UNC5D: variants seen among roughly 807,000 people sequenced by gnomAD.
UNC5D encodes netrin receptor UNC5D.
A neutral mutation model predicts 105.4 loss-of-function variants in UNC5D; 39 were observed. The observed-to-expected ratio is 0.37, with a 90% CI of 0.29 to 0.48. The LOEUF (loss-of-function observed/expected upper bound fraction) is 0.48. Ranked by LOEUF, UNC5D falls within the 20% of genes least tolerant of loss-of-function variation. The probability of loss-of-function intolerance (pLI) is 0.98; values close to 1 mark genes in which losing one functional copy is unlikely to be tolerated. For synonymous variants in UNC5D, 452 were observed against 450.4 expected (o/e 1.00, Z -0.04); for missense variants, 991 against 1,202.4 (o/e 0.82, Z 2.60).
chr8:35,381,127 T>C (rs1409817175), intron 1 of UNC5D, among the ~76,000 whole-genome samples: 2 of 152,102 alleles, frequency 1.3e-5, no homozygotes, highest in Non-Finnish European at 2.9e-5. Context: ...TAGTTAAATA[T>C]ATAAGGCAGT....
chr8:35,595,122 T>C (rs1163176808), intron 3 of UNC5D, among the ~76,000 whole-genome samples: 1 of 152,230 alleles, frequency 6.6e-6, no homozygotes, highest in Non-Finnish European at 1.5e-5. Context: ...GTTAAGGGAA[T>C]GGCAGAGGTT....
chr8:35,516,055 T>C (rs565091221), intron 1 of UNC5D, among the ~76,000 whole-genome samples: 1 of 152,322 alleles, frequency 6.6e-6, no homozygotes, highest in East Asian at 1.9e-4. Context: ...TCCTATGCTT[T>C]TTTTTATGTC....
Position 35,684,756 on chromosome 8 carries a change from T to C in UNC5D, c.919+7T>C. On this transcript the variant is annotated splice_region_variant and intron_variant, in intron 6 of 16. Transcript: ENST00000404895. Reference sequence around the variant, plus strand: ...TGCACTTCTCTTTGTCCTGGTGAGATATATGCAGATTCCCTTTTCCCTTCT... The same window carrying C: ...TGCACTTCTCTTTGTCCTGGTGAGACATATGCAGATTCCCTTTTCCCTTCT... 1 of 1,604,898 alleles carries C rather than the reference T, an allele frequency of 6.2e-7. No homozygotes were observed. The highest frequency in any genetic ancestry group is 1.1e-5 in the South Asian group (1 of 89,358).
intron 4 of UNC5D, among the ~76,000 whole-genome samples, chr8:35,615,045 C>CT (rs1260813193): frequency 7.9e-6 from 1 of 127,166 alleles, no homozygotes; most frequent in Admixed American, 7.8e-5. Context: ...GGCCCCCCCC[C>CT]CCCCGTCCCC....
At chr8:35,684,418 A>T (rs982772655) in intron 5 of UNC5D, among the ~76,000 whole-genome samples, 164 bp from the exon 6 acceptor site, 38 of 151,542 alleles carry the variant, frequency 2.5e-4, no homozygotes, top group African/African-American at 9.2e-4. Context: ...GGATGAGATG[A>T]CTCCCCCACT....
At chr8:35,499,632 G>A (rs889060772) in intron 1 of UNC5D, among the ~76,000 whole-genome samples, 7 of 152,082 alleles carry the variant, frequency 4.6e-5, no homozygotes, top group Non-Finnish European at 1.0e-4. Flanking sequence ...GAAAGTTTTG[G>A]GTTTAATGTA....
chr8:35,613,678 A>G (rs749270923), intron 4 of UNC5D, among the ~76,000 whole-genome samples: 5 of 152,044 alleles, frequency 3.3e-5, no homozygotes, highest in Non-Finnish European at 5.9e-5. Flanking sequence ...GCAAAACCCC[A>G]TCTGTACTAA....
At chr8:35,567,812 G>A (rs1352786427) in intron 2 of UNC5D, among the ~76,000 whole-genome samples, 6 of 152,190 alleles carry the variant, frequency 3.9e-5, no homozygotes, top group Non-Finnish European at 8.8e-5. Flanking sequence ...TATGAGGAAT[G>A]TAGTACCAAA....
intron 1 of UNC5D, among the ~76,000 whole-genome samples, chr8:35,430,032 C>T (rs1387276159): frequency 6.6e-6 from 1 of 152,096 alleles, no homozygotes; most frequent in East Asian, 1.9e-4. Context: ...CTGGAGTCCC[C>T]AAGGTGATGT....
At chr8:35,609,529 T>C (rs1365069164) in intron 4 of UNC5D, among the ~76,000 whole-genome samples, 5 of 152,182 alleles carry the variant, frequency 3.3e-5, no homozygotes, top group African/African-American at 4.8e-5. Flanking sequence ...ACAGTCGTGG[T>C]GTCCTTTAGG....
At chr8:35,398,640 T>C (rs1804248154) in intron 1 of UNC5D, among the ~76,000 whole-genome samples, 1 of 152,168 alleles carries the variant, frequency 6.6e-6, no homozygotes, top group Admixed American at 6.5e-5. Flanking sequence ...TGGGTTTATC[T>C]TTCAGGTGTC....
intron 8 of UNC5D, among the ~76,000 whole-genome samples, chr8:35,711,470 G>A (rs534231258): frequency 2.1e-4 from 32 of 152,028 alleles, no homozygotes; most frequent in South Asian, 4.2e-4. Flanking sequence ...ATGAGCCACC[G>A]CGCTGGCCCC....
At chr8:35,455,625 T>A (rs539698966) in intron 1 of UNC5D, among the ~76,000 whole-genome samples, 1 of 151,998 alleles carries the variant, frequency 6.6e-6, no homozygotes, top group African/African-American at 2.4e-5. Context: ...TCATCTCTTT[T>A]TATGCTGCTG....
intron 1 of UNC5D, among the ~76,000 whole-genome samples, chr8:35,388,708 T>C (rs1803589924): frequency 6.6e-6 from 1 of 152,188 alleles, no homozygotes; most frequent in South Asian, 2.1e-4. Context: ...CCATGCAGTG[T>C]TGTGGCTATA....
At chr8:35,587,182 G>A (rs1488364347) in intron 3 of UNC5D, among the ~76,000 whole-genome samples, 1 of 152,046 alleles carries the variant, frequency 6.6e-6, no homozygotes, top group East Asian at 1.9e-4. Flanking sequence ...GGTCTTGTTG[G>A]CATTCTGCTG....
chr8:35,342,889 G>A (rs1298578248), intron 1 of UNC5D, among the ~76,000 whole-genome samples: 8 of 152,076 alleles, frequency 5.3e-5, no homozygotes, highest in Non-Finnish European at 1.0e-4. Context: ...ATGACATTGC[G>A]TCTCTTAACT....
Position 35,794,213 on chromosome 8 carries a change from C to T in UNC5D, c.*3650C>T, listed in dbSNP as rs921652497. On this transcript the variant is annotated 3_prime_UTR_variant, in exon 17 of 17. Coordinates refer to ENST00000404895, the MANE Select transcript of UNC5D (RefSeq NM_080872.4). ...TCTCTTCAATTTCTTAGTCCCTCTG[C>T]CCTCTGTAAATGTGTTGAGTGATAT... 6.6e-6 allele frequency: 1 copy of T among 152,132 alleles called. No homozygotes were observed. The highest frequency in any genetic ancestry group is 1.5e-5 in the Non-Finnish European group (1 of 68,038). The allele number at this position is 152,132 out of a possible 1,614,324, so 9.4% of individuals were successfully genotyped here. A position where few individuals can be genotyped will look rare whatever the true frequency, so the allele number is the denominator to read the frequency against.
intron 1 of UNC5D, among the ~76,000 whole-genome samples, chr8:35,281,710 T>C (rs1806185626): frequency 6.6e-6 from 1 of 152,200 alleles, no homozygotes; most frequent in Admixed American, 6.5e-5. Context: ...GCATGCCTTA[T>C]AGCTGAGGTC....
intron 8 of UNC5D, among the ~76,000 whole-genome samples, chr8:35,716,334 G>GA: frequency 6.6e-6 from 1 of 152,202 alleles, no homozygotes; most frequent in Non-Finnish European, 1.5e-5. Context: ...TAGAGAAAGA[G>GA]AAGTCAGCAT....
Sources: allele counts gnomAD v4.1 joint callset (sites outside exome capture counted in the v4.1 genomes callset), GRCh38; gene constraint gnomAD v4.1.1; transcripts MANE v1.5; gene names NCBI Gene and HGNC (gene_info 2026-07-23, HGNC 2026-07-21).